CCDC18: variants seen among roughly 807,000 people sequenced by gnomAD.
The protein encoded by CCDC18 is coiled-coil domain containing 18.
In CCDC18, 157 loss-of-function variants were observed where a neutral mutation model predicts 196.0. The ratio of observed to expected loss-of-function variants is 0.80; its 90% CI spans 0.70 to 0.91. CCDC18 has a LOEUF of 0.91. Among genes scored for constraint, CCDC18 ranks in the 40% least tolerant of loss-of-function variants. The pLI, the probability that CCDC18 is intolerant of heterozygous loss-of-function variation, is 0.00. For synonymous variants in CCDC18, 482 were observed against 529.2 expected, an observed-to-expected ratio of 0.91 and a Z score of 1.22; for missense variants, 1,465 against 1,611.6, an observed-to-expected ratio of 0.91 and a Z score of 1.56.
rs544091164 is a variant in CCDC18, at chr1:93,215,852, T to TA, written c.1720-783dup. 2.6e-3 allele frequency among the ~76,000 whole-genome samples: 396 copies of TA among 152,340 alleles called. 2 individuals carry two copies. Among genetic ancestry groups the TA allele is most frequent in the African/African-American group, 8.7e-3 (363 of 41,574 alleles). ...AACCTGAAACAACTACGCAAGGAAT[T>TA]ACATTCTGAAAAGGGGATAATGAGT... On this transcript the variant is annotated intron_variant, in intron 12 of 28. Transcript: ENST00000690025.
At chr1:93,212,341 A>G in intron 11 of CCDC18, 80 bp downstream of exon 11, 1 of 919,584 alleles carries the variant, frequency 1.1e-6, no homozygotes, top group Non-Finnish European at 1.5e-6. Flanking sequence ...TTTTATTTAA[A>G]TTTTTTTTTT....
In CCDC18 at chr1:93,192,125, GCT is replaced by G. The variant is rs751709759; in HGVS notation, c.569+23_569+24del. ...TTTTGAGGTAAATATACTTTTTATA[GCT>G]CTCAAAGTTTTATTTTCTACTTATA... On this transcript the variant is annotated intron_variant, in intron 5 of 28. Coordinates refer to ENST00000690025, the MANE Select transcript of CCDC18 (RefSeq NM_001378204.1). 12 of 1,465,036 alleles carry G rather than the reference GCT, an allele frequency of 8.2e-6. No homozygotes were observed. Among genetic ancestry groups the G allele is most frequent in the Admixed American group, 6.9e-5 (4 of 57,802 alleles). The allele number at this position is 1,465,036 out of a possible 1,614,324, so 90.8% of individuals were successfully genotyped here.
At chr1:93,272,870 T>C (rs1220941614) in intron 28 of CCDC18, among the ~76,000 whole-genome samples, 1 of 152,122 alleles carries the variant, frequency 6.6e-6, no homozygotes, top group Non-Finnish European at 1.5e-5. Context: ...GAAACAGCCA[T>C]TCAAGACAGA....
chr1:93,212,085 T>C lies in CCDC18; in HGVS notation c.1335-16T>C. The C allele has an allele frequency of 1.3e-6, 2 of 1,586,682 alleles. No individual in the cohort carries two copies. Among genetic ancestry groups the C allele is most frequent in the Non-Finnish European group, 1.7e-6 (2 of 1,171,416 alleles). The stretch of plus-strand genomic sequence containing the variant: ...AATCTTTCTAATAATTTTTCCCTTC[T>C]TTTCTTTTGTGCCAGAATTAAGCTT... On this transcript the variant is annotated splice_polypyrimidine_tract_variant and intron_variant, in intron 10 of 28. Coordinates refer to ENST00000690025, the MANE Select transcript of CCDC18 (RefSeq NM_001378204.1).
intron 21 of CCDC18, among the ~76,000 whole-genome samples, chr1:93,244,186 T>C (rs1661196785): frequency 2.0e-5 from 3 of 152,198 alleles, no homozygotes; most frequent in Admixed American, 2.0e-4. Flanking sequence ...AGAGAACTTG[T>C]GCAGGGAACC....
rs114383403 is a variant in CCDC18, at chr1:93,274,634, A to G, written c.4353+3820A>G. On this transcript the variant is annotated intron_variant, in intron 28 of 28. Coordinates refer to ENST00000690025, the MANE Select transcript of CCDC18 (RefSeq NM_001378204.1). Reference sequence around the variant, plus strand: ...CCAAGCAGGAGGATTACTTGAGACTAGGATTTCAAGGACAGCCTGGGCAAC... The same window carrying G: ...CCAAGCAGGAGGATTACTTGAGACTGGGATTTCAAGGACAGCCTGGGCAAC... Among the ~76,000 whole-genome samples the G allele has an allele frequency of 3.4e-3, 514 of 152,126 alleles. 2 individuals carry two copies. The highest frequency in any genetic ancestry group is 0.012 in the African/African-American group (500 of 41,494).
chr1:93,245,362 C>T (rs924866336), intron 21 of CCDC18, among the ~76,000 whole-genome samples: 2 of 152,160 alleles, frequency 1.3e-5, no homozygotes, highest in Admixed American at 1.3e-4. Context: ...TTAAAAACAA[C>T]TCATTAAAGA....
chr1:93,227,969 A>ATATATATATATATATATATAT (rs1199036758), intron 17 of CCDC18, among the ~76,000 whole-genome samples: 1 of 101,298 alleles, frequency 9.9e-6, no homozygotes, highest in South Asian at 2.7e-4. Context: ...AAAAAAAAAA[A>ATATATATATATATATATATAT]AAATATATAT....
At chr1:93,251,901 A>C (rs145556975) in intron 23 of CCDC18, among the ~76,000 whole-genome samples, 3 of 152,254 alleles carry the variant, frequency 2.0e-5, no homozygotes, top group Non-Finnish European at 4.4e-5. Context: ...TTTAACTCCA[A>C]TAATTCAAAG....
At chr1:93,245,827 G>T (rs1661429916) in intron 21 of CCDC18, among the ~76,000 whole-genome samples, 2 of 151,978 alleles carry the variant, frequency 1.3e-5, no homozygotes, top group South Asian at 4.1e-4. Context: ...ATTCAATCTT[G>T]GAGTCCTGGG....
chr1:93,181,970 G>A (rs1348893215), intron 1 of CCDC18, among the ~76,000 whole-genome samples: 1 of 152,176 alleles, frequency 6.6e-6, no homozygotes, highest in Non-Finnish European at 1.5e-5. Flanking sequence ...CCTGATTTAA[G>A]ATGAAATATA....
At chr1:93,235,141 T>C (rs747997535) in intron 18 of CCDC18, among the ~76,000 whole-genome samples, 1 of 151,988 alleles carries the variant, frequency 6.6e-6, no homozygotes, top group Non-Finnish European at 1.5e-5. Flanking sequence ...TAATGGTTTA[T>C]GATCTATATT....
upstream of CCDC18, chr1:93,180,558 G>A: frequency 6.8e-7 from 1 of 1,460,374 alleles, no homozygotes; most frequent in Admixed American, 2.0e-5. Context: ...TGGGCATCAT[G>A]GCGGTAATTG....
chr1:93,225,086 T>C (rs1658065049), intron 16 of CCDC18, among the ~76,000 whole-genome samples: 1 of 152,204 alleles, frequency 6.6e-6, no homozygotes, highest in Admixed American at 6.5e-5. Context: ...GAATAGAATC[T>C]GCAAGAGAGA....
chr1:93,207,468 T>C (rs1654889890), intron 9 of CCDC18, 70 bp downstream of exon 9: 4 of 1,172,516 alleles, frequency 3.4e-6, no homozygotes, highest in Non-Finnish European at 4.7e-6. Flanking sequence ...ACTATCATTT[T>C]GTGGTTGCTT....
At position 93,232,506 on chromosome 1, in the gene CCDC18, T is replaced by C. The variant is rs1659392354; in HGVS notation, c.2373T>C (p.His791=). 1 of 1,612,444 alleles carries C rather than the reference T, an allele frequency of 6.2e-7. No individual in the cohort carries two copies. Among genetic ancestry groups the C allele is most frequent in the South Asian group, 1.1e-5 (1 of 90,994 alleles). The part of the protein sequence containing the change: ...ETSEQNVILQ[H]TLQQQQQMLQ... ...CTGAGCAAAACGTTATTCTACAGCA[T>C]ACTCTTCAGCAACAGCAGCAAATGT... Residue 791 remains histidine (H), a synonymous_variant, in exon 18 of 29, where the codon CAT becomes CAC. Transcript: ENST00000690025.
intron 13 of CCDC18, 48 bp downstream of exon 13, chr1:93,216,794 T>C (rs778174509): frequency 1.1e-6 from 1 of 930,008 alleles, no homozygotes; most frequent in South Asian, 1.5e-5. Flanking sequence ...TTTTAGGCAC[T>C]TAATTTGTGA....
At position 93,265,955 on chromosome 1, in the gene CCDC18, C is replaced by T. The variant is rs551445389; in HGVS notation, c.3885+1054C>T. Among the ~76,000 whole-genome samples, 5 of 152,258 alleles carry T rather than the reference C, an allele frequency of 3.3e-5. No individual in the cohort carries two copies. In the South Asian group the frequency reaches 6.2e-4, roughly 19 times the overall value. ...TGCACCAAGCAGACCTAATAGACAT[C>T]GACAGAACTCTCCACTGCAAATCAA... On this transcript the variant is annotated intron_variant, in intron 27 of 28. Coordinates refer to ENST00000690025, the MANE Select transcript of CCDC18 (RefSeq NM_001378204.1).
At position 93,214,930 on chromosome 1, in the gene CCDC18, A is replaced by T; in HGVS notation, c.1683A>T (p.Leu561=). Residue 561 remains leucine, a synonymous_variant, in exon 12 of 29, where the codon CTA becomes CTT. Transcript: ENST00000690025. ...TTCAGCTGATTCAAGAGGAGCTGCTAGAGAAAGCTTCAAACTCCAGCAAAC... is the reference window on the plus strand; with the variant it reads ...TTCAGCTGATTCAAGAGGAGCTGCTTGAGAAAGCTTCAAACTCCAGCAAAC... ...SQFQLIQEEL[L]EKASNSSKLE... 6.2e-7 allele frequency: 1 copy of T among 1,608,558 alleles called. No individual in the cohort carries two copies. Among genetic ancestry groups the T allele is most frequent in the South Asian group, 1.1e-5 (1 of 90,350 alleles).
Sources: allele counts gnomAD v4.1 joint callset (sites outside exome capture counted in the v4.1 genomes callset), GRCh38; gene constraint gnomAD v4.1.1; transcripts MANE v1.5; gene names NCBI Gene and HGNC (gene_info 2026-07-23, HGNC 2026-07-21).